Variants in HK1 observed in about 807,000 individuals in gnomAD.
The protein encoded by HK1 is hexokinase 1, also known as hexokinase-1.
Under a neutral mutation model 91.6 loss-of-function variants are expected in HK1, and 28 were observed. The ratio of observed to expected loss-of-function variants is 0.31; its 90% CI spans 0.23 to 0.42. The LOEUF is 0.42. HK1 is among the 10% of genes least tolerant of loss of function. The pLI is 1.00. For synonymous variants in HK1, 430 were observed against 468.1 expected (o/e 0.92, Z 1.05); for missense variants, 770 against 1,219.8 (o/e 0.63, Z 5.49).
chr10:69,368,867 A>G (rs1396306449), intron 5 of HK1, among the ~76,000 whole-genome samples: 6 of 152,150 alleles, frequency 3.9e-5, no homozygotes, highest in Non-Finnish European at 8.8e-5. Flanking sequence ...ACCTCCTGAC[A>G]GGAGTGCTGG....
chr10:69,281,847 T>C (rs538887726), intron 1 of HK1, among the ~76,000 whole-genome samples: 2 of 152,116 alleles, frequency 1.3e-5, no homozygotes, highest in Non-Finnish European at 2.9e-5. Context: ...GCCTGGAATA[T>C]CCATTAGAAC....
chr10:69,329,360 A>G (rs1173017072), intron 1 of HK1, among the ~76,000 whole-genome samples: 1 of 152,020 alleles, frequency 6.6e-6, no homozygotes, highest in Non-Finnish European at 1.5e-5. Flanking sequence ...ACGGAGTTTC[A>G]CCATGTTGGC....
rs747638181 is a variant in HK1, at chr10:69,401,111, G to C, written c.2730G>C (p.Arg910=). The stretch of plus-strand genomic sequence containing the variant: ...CCCTCATCACGGCCGTGGGCGTGCG[G>C]TTACGCACAGAGGCAAGCAGCTAAG... ...GAALITAVGV[R]LRTEASS The change falls in exon 18 of 18, where the codon CGG becomes CGC. Residue 910 remains arginine, a synonymous_variant. Transcript: ENST00000359426. 3.1e-6 allele frequency: 5 copies of C among 1,614,046 alleles called. No homozygotes were observed. Among genetic ancestry groups the C allele is most frequent in the Non-Finnish European group, 4.2e-6 (5 of 1,180,020 alleles).
At chr10:69,338,132 G>T (rs910057224) in intron 1 of HK1, 3 of 553,640 alleles carry the variant, frequency 5.4e-6, no homozygotes, top group Non-Finnish European at 7.2e-6. Context: ...TTTGGGAGCC[G>T]CTGAGAGCTT....
At chr10:69,319,106 C>T in intron 1 of HK1, 96 bp downstream of exon 1, 1 of 1,400,868 alleles carries the variant, frequency 7.1e-7, no homozygotes, top group African/African-American at 1.4e-5. Flanking sequence ...CGGCGCCCGG[C>T]CTTCTCCGGG....
chr10:69,301,573 C>CAAAAAAAAAAAAAAAAAAAAAAAAAAA, intron 5 of HK1, among the ~76,000 whole-genome samples: 1 of 80,806 alleles, frequency 1.2e-5, no homozygotes, highest in Non-Finnish European at 2.3e-5. Context: ...GACTCTGTCT[C>CAAAAAAAAAAAAAAAAAAAAAAAAAAA]AAAAAAAAAA....
At chr10:69,395,586 A>T (rs796902056) in intron 16 of HK1, among the ~76,000 whole-genome samples, 37 of 152,346 alleles carry the variant, frequency 2.4e-4, no homozygotes, top group African/African-American at 8.9e-4. Flanking sequence ...CATCTCAATA[A>T]ATAAGTAAAT....
rs1466835565 is a variant in HK1 at position 69,368,539 on chromosome 10, A to G, written c.499A>G (p.Ile167Val). The change falls in exon 5 of 18, where the codon ATC becomes GTC. Residue 167 changes from isoleucine (I) to valine (V), a missense_variant. Physicochemically the swap from Ile to Val is conservative, Grantham distance 29. Coordinates refer to ENST00000359426, the MANE Select transcript of HK1 (RefSeq NM_000188.3). The part of the protein sequence containing the change: ...PCQQSKIDEA[I>V]LITWTKRFKA... Reference sequence around the variant, plus strand: ...CCCCATCCATTCTTCTTTGCAGGCCATCCTGATCACCTGGACAAAGCGATT... The same window carrying G: ...CCCCATCCATTCTTCTTTGCAGGCCGTCCTGATCACCTGGACAAAGCGATT... 1 of 1,614,062 alleles carries G rather than the reference A, an allele frequency of 6.2e-7. No individual in the cohort carries two copies. Among genetic ancestry groups the G allele is most frequent in the South Asian group, 1.1e-5 (1 of 91,082 alleles).
chr10:69,271,163 G>C (rs1186192755), intron 1 of HK1: 1 of 152,112 alleles, frequency 6.6e-6, no homozygotes, highest in East Asian at 1.9e-4. Flanking sequence ...ATGGTAAACA[G>C]GAACAAGGTG....
chr10:69,371,316 A>ACCCCCCCCCCCCCCCCCCC (rs59530954), intron 7 of HK1, among the ~76,000 whole-genome samples: 3 of 131,218 alleles, frequency 2.3e-5, no homozygotes, highest in Non-Finnish European at 3.2e-5. Context: ...TTTTTACCAT[A>ACCCCCCCCCCCCCCCCCCC]CCCCCCCCCA....
At chr10:69,386,778 CT>C (rs1564564149) in intron 13 of HK1, 51 of 161,242 alleles carry the variant, frequency 3.2e-4, no homozygotes, top group Admixed American at 2.6e-3. Context: ...GACTCCATCT[CT>C]AAATAAATAA....
rs188099085 is a variant in HK1 at position 69,293,719 on chromosome 10, G to A, written c.-114-1914G>A. Among the ~76,000 whole-genome samples the A allele has an allele frequency of 3.3e-5, 5 of 152,250 alleles. No homozygotes were observed. In the East Asian group the frequency reaches 9.7e-4, roughly 29 times the overall value. ...TTCCACATCTGAAAGTTGACTGGCT[G>A]TAGGCAAGGGTGGTAACTGGGCCAT... On this transcript the variant is annotated intron_variant, in intron 3 of 21. Coordinates refer to the HK1 transcript ENST00000360289.
At chr10:69,297,449 C>A (rs1344283269) in intron 4 of HK1, among the ~76,000 whole-genome samples, 1 of 152,156 alleles carries the variant, frequency 6.6e-6, no homozygotes, top group East Asian at 1.9e-4. Context: ...AACTGTATTA[C>A]AATTCCATTG....
chr10:69,319,454 C>T (rs956036315), intron 1 of HK1, among the ~76,000 whole-genome samples: 12 of 152,242 alleles, frequency 7.9e-5, no homozygotes, highest in African/African-American at 2.7e-4. Context: ...TTTGGGGTTC[C>T]TGGCGGAGGG....
At chr10:69,327,917 GATA>G (rs554648020) in intron 1 of HK1, among the ~76,000 whole-genome samples, 58 of 152,342 alleles carry the variant, frequency 3.8e-4, no homozygotes, top group African/African-American at 1.2e-3. Flanking sequence ...CTGCTGCTGA[GATA>G]TCTGCACTGG....
intron 13 of HK1, among the ~76,000 whole-genome samples, chr10:69,387,268 T>C (rs1033641028): frequency 6.6e-6 from 1 of 152,128 alleles, no homozygotes. Flanking sequence ...ATTAAACTTT[T>C]TTAAAAAAAA....
At chr10:69,304,352 GA>G (rs1338377434) in intron 5 of HK1, among the ~76,000 whole-genome samples, 2 of 151,692 alleles carry the variant, frequency 1.3e-5, no homozygotes, top group Non-Finnish European at 1.5e-5. Flanking sequence ...CTATCGCCCA[GA>G]ATGGAGAGCA....
At chr10:69,291,134 C>A (rs944681230) in intron 3 of HK1, among the ~76,000 whole-genome samples, 11 of 152,240 alleles carry the variant, frequency 7.2e-5, no homozygotes, top group Non-Finnish European at 1.5e-4. Context: ...CAGTCCCAGG[C>A]AGAATGCCAC....
upstream of HK1, among the ~76,000 whole-genome samples, chr10:69,311,903 G>A (rs1418391043): frequency 6.6e-6 from 1 of 152,140 alleles, no homozygotes; most frequent in African/African-American, 2.4e-5. Flanking sequence ...CCAAAGTGCT[G>A]GGATTATAGG....
Sources: allele counts gnomAD v4.1 joint callset (sites outside exome capture counted in the v4.1 genomes callset), GRCh38; gene constraint gnomAD v4.1.1; transcripts MANE v1.5; gene names NCBI Gene and HGNC (gene_info 2026-07-23, HGNC 2026-07-21).